Variants in NOP14 observed in about 807,000 individuals in gnomAD.
NOP14 encodes the protein NOP14 nucleolar protein.
NOP14 carries 57 observed loss-of-function variants against 101.6 expected under a neutral mutation model. The observed-to-expected ratio is 0.56, with a 90% CI of 0.45 to 0.70. NOP14 has a LOEUF of 0.70. Ranked by LOEUF, NOP14 falls within the 30% of genes least tolerant of loss-of-function variation. The pLI, the probability that NOP14 is intolerant of heterozygous loss-of-function variation, is 0.00. For missense variants in NOP14, 1,134 were observed against 1,075.5 expected, an observed-to-expected ratio of 1.05 and a Z score of -0.76; for synonymous variants, 428 against 424.0, an observed-to-expected ratio of 1.01 and a Z score of -0.12.
rs548688722 is a variant in NOP14, at chr4:2,941,262, G to A, written c.2199+320C>T. The A allele has an allele frequency of 5.5e-5, 18 of 326,630 alleles. No individual in the cohort carries two copies. The Middle Eastern group carries it at 4.6e-3, about 84-fold the overall frequency. The allele number at this position is 326,630 out of a possible 1,614,324, so 20.2% of individuals were successfully genotyped here. On this transcript the variant is annotated intron_variant, in intron 15 of 17. Transcript: ENST00000416614. ...AAAACCCATCGGGACTGCAGAGCGCGGCTCAGAGCTGACTGTCCAGGCCTG... is the reference window on the plus strand; with the variant it reads ...AAAACCCATCGGGACTGCAGAGCGCAGCTCAGAGCTGACTGTCCAGGCCTG...
Position 2,943,664 on chromosome 4 carries a change from C to T in NOP14, c.1891+409G>A, listed in dbSNP as rs78500241. On this transcript the variant is annotated intron_variant, in intron 13 of 17. Transcript: ENST00000416614. ...CACGAGAACTTTCACACTGCCTTGT[C>T]GTCACGTGAGAAAAAGTAAAAAGTT... Among the ~76,000 whole-genome samples the T allele has an allele frequency of 9.2e-3, 1,397 of 152,330 alleles. 27 individuals are homozygous for T. Among genetic ancestry groups the T allele is most frequent in the African/African-American group, 0.03 (1,262 of 41,576 alleles).
At chr4:2,955,299 T>G (rs71597205) in intron 3 of NOP14, among the ~76,000 whole-genome samples, 1,043 of 25,130 alleles carry the variant, frequency 0.042, 181 homozygotes, top group African/African-American at 0.1. Flanking sequence ...GCGCCCCCTC[T>G]AGTCACCTGC....
intron 10 of NOP14, chr4:2,946,828 G>A (rs1714678407): frequency 4.4e-6 from 2 of 453,334 alleles, no homozygotes; most frequent in Non-Finnish European, 4.0e-6. Flanking sequence ...GCAGCTGACA[G>A]CTCCAAGGCA....
Position 2,953,484 on chromosome 4 carries a change from G to A in NOP14, c.747+27C>T, listed in dbSNP as rs776620085. 2.5e-6 allele frequency: 4 copies of A among 1,612,558 alleles called. No homozygotes were observed. In the South Asian group the frequency reaches 4.4e-5, roughly 18 times the overall value. On this transcript the variant is annotated intron_variant, in intron 5 of 17. Transcript: ENST00000416614. ...CGGTCACCCAAGCTCAGTGAGTGAA[G>A]AGTTTGTTTCAGTACTTGGCTCCCA...
chr4:2,942,973 A>G lies in NOP14; in HGVS notation c.1892-622T>C, dbSNP rs770467357. 4.5e-4 allele frequency among the ~76,000 whole-genome samples: 68 copies of G among 152,322 alleles called. No individual in the cohort carries two copies. The Middle Eastern group carries it at 0.014, about 30-fold the overall frequency. The stretch of plus-strand genomic sequence containing the variant: ...CAAGCGAGAGGGGAAGGCGTGGGTC[A>G]GGCCCCGCCCCACACTTCCCCAAAG... On this transcript the variant is annotated intron_variant, in intron 13 of 17. Coordinates refer to ENST00000416614, the MANE Select transcript of NOP14 (RefSeq NM_001291978.2).
chr4:2,957,651 C>T lies in NOP14; in HGVS notation c.285G>A (p.Met95Ile). ...DKRFGEYNSNMSPEEKMMKRF... is the reference protein window; with the variant it reads ...DKRFGEYNSNISPEEKMMKRF... ...TCTTCATCATCTTCTCCTCGGGGCT[C>T]ATGTTGCTGTTGTATTCTCCGAAGC... Residue 95 changes from methionine to isoleucine, a missense_variant, in exon 2 of 18, where the codon ATG becomes ATA. Met to Ile is a conservative substitution (Grantham distance 10, BLOSUM62 1). Transcript: ENST00000416614. The T allele has an allele frequency of 2.5e-6, 4 of 1,614,184 alleles. No homozygotes were observed. Among genetic ancestry groups the T allele is most frequent in the Non-Finnish European group, 3.4e-6 (4 of 1,180,032 alleles).
At chr4:2,955,882 CT>C (rs1425493863) in intron 3 of NOP14, among the ~76,000 whole-genome samples, 1 of 152,248 alleles carries the variant, frequency 6.6e-6, no homozygotes, top group African/African-American at 2.4e-5. Flanking sequence ...CTTTTACCCC[CT>C]GGATTAGCCA....
At position 2,963,309 on chromosome 4, in the gene NOP14, G is replaced by A. The variant is rs1372509383; in HGVS notation, c.11C>T (p.Ala4Val). The change falls in exon 1 of 18, where the codon GCG (alanine) becomes GTG (valine). Residue 4 changes from alanine to valine, a missense_variant. By Grantham distance (64) the Ala-to-Val change is moderately conservative. Transcript: ENST00000416614. The part of the protein sequence containing the change: MAK[A>V]KKVGARRKAS... Reference sequence around the variant, plus strand: ...CTTCCTTCGCGCCCCGACCTTCTTCGCCTTCGCCATGGCGCGCGCCCCGCT... The same window carrying A: ...CTTCCTTCGCGCCCCGACCTTCTTCACCTTCGCCATGGCGCGCGCCCCGCT... 4 of 1,583,536 alleles carry A rather than the reference G, an allele frequency of 2.5e-6. No homozygotes were observed. The African/African-American group carries it at 4.2e-5, about 17-fold the overall frequency.
chr4:2,948,227 A>C (rs1367036509), intron 9 of NOP14, 51 bp downstream of exon 9: 1 of 1,527,606 alleles, frequency 6.5e-7, no homozygotes. Context: ...GCATTCATAT[A>C]CGGGGCTATG....
rs1439360609 is a variant in NOP14 at position 2,946,732 on chromosome 4, C to T, written c.1500-185G>A. ...TTCTGCCATTTCCTAAAAACTCGGC[C>T]ATAACATTATGGACTGGAGGTGGTG... On this transcript the variant is annotated intron_variant, in intron 10 of 17. Coordinates refer to ENST00000416614, the MANE Select transcript of NOP14 (RefSeq NM_001291978.2). 9 of 594,138 alleles carry T rather than the reference C, an allele frequency of 1.5e-5. No individual in the cohort carries two copies. The East Asian group carries it at 1.7e-4, about 11-fold the overall frequency. The allele number at this position is 594,138 out of a possible 1,614,324, so 36.8% of individuals were successfully genotyped here.
At position 2,956,790 on chromosome 4, in the gene NOP14, T is replaced by C; in HGVS notation, c.352A>G (p.Ile118Val). 1.2e-6 allele frequency: 2 copies of C among 1,606,554 alleles called. No homozygotes were observed. Among genetic ancestry groups the C allele is most frequent in the Non-Finnish European group, 1.7e-6 (2 of 1,178,216 alleles). ...TCTTCATCTTCATTTAGATTGTAGA[T>C]GCTTTTTTTCTCATGATGTCGCTGA... is the stretch of plus-strand genomic sequence containing the variant. Reference protein sequence around the residue: ...EQQRHHEKKSIYNLNEDEELT... With the variant: ...EQQRHHEKKSVYNLNEDEELT... The change falls in exon 3 of 18, where the codon ATC becomes GTC. Residue 118 changes from isoleucine to valine, a missense_variant. Coordinates refer to ENST00000416614, the MANE Select transcript of NOP14 (RefSeq NM_001291978.2).
intron 5 of NOP14, among the ~76,000 whole-genome samples, 182 bp from the exon 6 acceptor site, chr4:2,952,579 C>T (rs1318946282): frequency 2.6e-5 from 4 of 152,212 alleles, no homozygotes; most frequent in African/African-American, 4.8e-5. Flanking sequence ...CTGAGGATTG[C>T]GAAATCAGTG....
Position 2,938,208 on chromosome 4 carries a change from C to T in NOP14, c.*623G>A, listed in dbSNP as rs1275193201. 1.6e-6 allele frequency: 2 copies of T among 1,288,658 alleles called. No homozygotes were observed. The highest frequency in any genetic ancestry group is 2.0e-6 in the Non-Finnish European group (2 of 988,472). The allele number at this position is 1,288,658 out of a possible 1,614,324, so 79.8% of individuals were successfully genotyped here. The stretch of plus-strand genomic sequence containing the variant: ...GGGGAGCTGGAGGTTGGAATCACAC[C>T]AACATTATAGCATTATTACTCTAAA... On this transcript the variant is annotated 3_prime_UTR_variant, in exon 18 of 18. Transcript: ENST00000416614.
intron 5 of NOP14, among the ~76,000 whole-genome samples, chr4:2,952,688 T>C (rs1715108097): frequency 6.6e-6 from 1 of 152,218 alleles, no homozygotes; most frequent in Admixed American, 6.5e-5. Context: ...ACGCCTGTAA[T>C]CCCAGCACTT....
rs1376160826 is a variant in NOP14 at position 2,961,124 on chromosome 4, TATA to T, written c.195+1998_195+2000del. 7.4e-3 allele frequency among the ~76,000 whole-genome samples: 445 copies of T among 59,990 alleles called. 33 individuals carry two copies. Among genetic ancestry groups the T allele is most frequent in the Non-Finnish European group, 0.011 (384 of 34,776 alleles). 39.4% of individuals were successfully genotyped at this position (59,990 alleles called of 152,430 possible). On this transcript the variant is annotated intron_variant, in intron 1 of 17. Transcript: ENST00000416614. ...TAATATTTTAATAATATATTAATAT[TATA>T]ATAATATATTAATATACTAATATAA... is the stretch of plus-strand genomic sequence containing the variant.
intron 9 of NOP14, 50 bp downstream of exon 9, chr4:2,948,228 C>T (rs759815101): frequency 8.5e-6 from 13 of 1,526,674 alleles, no homozygotes; most frequent in African/African-American, 1.4e-5. Flanking sequence ...CATTCATATA[C>T]GGGGCTATGC....
chr4:2,940,814 G>C (rs2269498), intron 15 of NOP14: 29,091 of 152,506 alleles, frequency 0.19, 3,652 homozygotes, highest in East Asian at 0.4. Flanking sequence ...GGGAGTTCTA[G>C]GTGCAGAGAA....
chr4:2,955,003 ACGCCACGGCGCCCCC>A, intron 3 of NOP14, among the ~76,000 whole-genome samples: 1 of 140,758 alleles, frequency 7.1e-6, no homozygotes, highest in Non-Finnish European at 1.6e-5. Context: ...AGTCACCTGC[ACGCCACGGCGCCCCC>A]TCTAGTCACC....
intron 13 of NOP14, among the ~76,000 whole-genome samples, chr4:2,942,818 G>T (rs778685896): frequency 6.7e-6 from 1 of 148,632 alleles, no homozygotes; most frequent in East Asian, 1.9e-4. Flanking sequence ...GGCCTGAGGG[G>T]CAGACGTCAG....
Sources: allele counts gnomAD v4.1 joint callset (sites outside exome capture counted in the v4.1 genomes callset), GRCh38; gene constraint gnomAD v4.1.1; transcripts MANE v1.5; gene names NCBI Gene and HGNC (gene_info 2026-07-23, HGNC 2026-07-21).